KIRREL3: variants seen among roughly 807,000 people sequenced by gnomAD.
KIRREL3 encodes the protein kirre like nephrin family adhesion molecule 3, also known as kin of IRRE-like protein 3.
A neutral mutation model predicts 89.7 loss-of-function variants in KIRREL3; 36 were observed. That is an observed-to-expected ratio of 0.40 (90% confidence interval 0.31 to 0.53). The LOEUF (loss-of-function observed/expected upper bound fraction) is 0.53. KIRREL3 is among the 20% of genes least tolerant of loss of function. The pLI, the probability that KIRREL3 is intolerant of heterozygous loss-of-function variation, is 0.49. For missense variants in KIRREL3, 864 were observed against 1,056.6 expected (o/e 0.82, Z 2.53); for synonymous variants, 445 against 441.4 (o/e 1.01, Z -0.10).
In KIRREL3 at chr11:126,473,320, TG is replaced by T. The variant is rs1250851501; in HGVS notation, c.579del (p.Thr194ProfsTer123). On this transcript the variant is annotated frameshift_variant, in exon 5 of 17. Coordinates refer to ENST00000525144, the MANE Select transcript of KIRREL3 (RefSeq NM_032531.4). LOFTEE classifies it high-confidence loss of function. ...CCTCCAGGCCTCACCTTGGAGTAGG[TG>T]GCCCCATTGATGACCTCTCCCTTTC... ...WLRKGEVING[A>X]TYSKTLLRDG... The T allele has an allele frequency of 4.0e-6, 5 of 1,249,892 alleles. No individual in the cohort carries two copies. The highest frequency in any genetic ancestry group is 1.0e-6 in the Non-Finnish European group (1 of 977,472). The allele number at this position is 1,249,892 out of a possible 1,614,324, so 77.4% of individuals were successfully genotyped here.
chr11:126,726,881 T>C (rs573827595), intron 1 of KIRREL3, among the ~76,000 whole-genome samples: 5 of 152,332 alleles, frequency 3.3e-5, no homozygotes, highest in African/African-American at 1.2e-4. Context: ...AAAACTCCTA[T>C]TCATCCTCTA....
At chr11:126,450,527 G>C (rs375421141) in intron 7 of KIRREL3, among the ~76,000 whole-genome samples, 1 of 150,732 alleles carries the variant, frequency 6.6e-6, no homozygotes, top group Non-Finnish European at 1.5e-5. Flanking sequence ...GTGCATCTGC[G>C]TATGTGTGCA....
At chr11:126,449,632 A>AGT (rs1565460895) in intron 7 of KIRREL3, among the ~76,000 whole-genome samples, 2 of 152,142 alleles carry the variant, frequency 1.3e-5, no homozygotes, top group African/African-American at 4.8e-5. Context: ...CGTGTGCACG[A>AGT]GCACACACAC....
At chr11:126,487,297 G>A (rs544712702) in intron 4 of KIRREL3, among the ~76,000 whole-genome samples, 33 of 152,272 alleles carry the variant, frequency 2.2e-4, no homozygotes, top group Admixed American at 3.9e-4. Context: ...CAGGCAAAGA[G>A]GCAAAGACAC....
chr11:126,582,562 C>G (rs372857389), intron 1 of KIRREL3, among the ~76,000 whole-genome samples: 127 of 152,282 alleles, frequency 8.3e-4, no homozygotes, highest in African/African-American at 3.0e-3. Context: ...AATTCCACGG[C>G]AGGGACAGCT....
intron 1 of KIRREL3, among the ~76,000 whole-genome samples, chr11:126,988,815 A>G (rs187107430): frequency 2.0e-5 from 3 of 152,324 alleles, no homozygotes; most frequent in East Asian, 3.9e-4. Context: ...CCTCAGTACC[A>G]TCTCCCCGTG....
chr11:126,863,486 AGTGCGTGTGTGAGTGTG>A (rs1464565744), intron 1 of KIRREL3, among the ~76,000 whole-genome samples: 3 of 30,954 alleles, frequency 9.7e-5, no homozygotes, highest in African/African-American at 3.0e-4. Flanking sequence ...TGCGTGTGTG[AGTGCGTGTGTGAGTGTG>A]AGTGCGTGTG....
chr11:126,960,121 G>GT (rs1394349090), intron 1 of KIRREL3, among the ~76,000 whole-genome samples: 1 of 152,110 alleles, frequency 6.6e-6, no homozygotes, highest in Non-Finnish European at 1.5e-5. Flanking sequence ...GGGGTATAGG[G>GT]AAGGAGGCAG....
intron 1 of KIRREL3, among the ~76,000 whole-genome samples, chr11:126,691,823 A>G (rs1043881823): frequency 2.6e-4 from 39 of 152,250 alleles, no homozygotes; most frequent in African/African-American, 8.9e-4. Flanking sequence ...GCAATAAAAA[A>G]TCAAATAACC....
At chr11:126,479,609 G>A (rs375183496) in intron 4 of KIRREL3, among the ~76,000 whole-genome samples, 7 of 152,174 alleles carry the variant, frequency 4.6e-5, no homozygotes, top group South Asian at 2.1e-4. Flanking sequence ...TAAGGGTTCC[G>A]AGGTAGAAAT....
chr11:126,780,954 T>C lies in KIRREL3; in HGVS notation c.56-218042A>G, dbSNP rs552091566. ...GTTTCAATCTATCATAGATGCTAAA[T>C]AAAAGTTTGTATTTTCTCCCTGGAT... On this transcript the variant is annotated intron_variant, in intron 1 of 16. Coordinates refer to ENST00000525144, the MANE Select transcript of KIRREL3 (RefSeq NM_032531.4). The surrounding 1 kb of genome is among the most constrained non-coding windows in gnomAD (Gnocchi z 5.3). 2.0e-5 allele frequency among the ~76,000 whole-genome samples: 3 copies of C among 152,304 alleles called. No individual in the cohort carries two copies. In the South Asian group the frequency reaches 6.2e-4, roughly 32 times the overall value.
In KIRREL3 at chr11:126,860,170, A is replaced by G. The variant is rs562202199; in HGVS notation, c.55+140285T>C. The stretch of plus-strand genomic sequence containing the variant: ...TGGAATTAATTTCAATACAACAAAC[A>G]GGTAACGAGCATTTGTGATGTGCCC... On this transcript the variant is annotated intron_variant, in intron 1 of 16. Transcript: ENST00000525144. The surrounding 1 kb of genome is among the most constrained non-coding windows in gnomAD (Gnocchi z 4.6). 6.6e-6 allele frequency among the ~76,000 whole-genome samples: 1 copy of G among 152,358 alleles called. No homozygotes were observed. The highest frequency in any genetic ancestry group is 1.9e-4 in the East Asian group (1 of 5,180).
rs1946719248 is a variant in KIRREL3, at chr11:126,909,386, C to T, written c.55+91069G>A. 6.6e-6 allele frequency among the ~76,000 whole-genome samples: 1 copy of T among 152,208 alleles called. No individual in the cohort carries two copies. Among genetic ancestry groups the T allele is most frequent in the Non-Finnish European group, 1.5e-5 (1 of 68,030 alleles). On this transcript the variant is annotated intron_variant, in intron 1 of 16. Transcript: ENST00000525144. The surrounding 1 kb of genome is among the most constrained non-coding windows in gnomAD (Gnocchi z 4.5). ...CAAGGACGCATTGCACTCATCCTTG[C>T]ATATCTGTAGCTCCACCTCAGGCAC... is the stretch of plus-strand genomic sequence containing the variant.
Position 126,594,862 on chromosome 11 carries a change from C to A in KIRREL3, c.56-31950G>T, listed in dbSNP as rs756887090. On this transcript the variant is annotated intron_variant, in intron 1 of 16. Coordinates refer to ENST00000525144, the MANE Select transcript of KIRREL3 (RefSeq NM_032531.4). The surrounding 1 kb of genome is among the most constrained non-coding windows in gnomAD (Gnocchi z 5.0). The stretch of plus-strand genomic sequence containing the variant: ...GCTCGATCTTTTCTGTTAGCATTTC[C>A]GCCACGTGCTTCTCAGCGTTTTGCC... Among the ~76,000 whole-genome samples the A allele has an allele frequency of 1.3e-5, 2 of 152,238 alleles. No homozygotes were observed. The highest frequency in any genetic ancestry group is 2.9e-5 in the Non-Finnish European group (2 of 68,050).
rs1375757614 is a variant in KIRREL3, at chr11:126,877,550, A to AT, written c.55+122904dup. Among the ~76,000 whole-genome samples, 4 of 152,246 alleles carry AT rather than the reference A, an allele frequency of 2.6e-5. No homozygotes were observed. Among genetic ancestry groups the AT allele is most frequent in the African/African-American group, 9.6e-5 (4 of 41,464 alleles). ...CACAAGGTCTACCTCCAAAAATGAAATTCATTATATTTAGAGCTAAAATAA... is the reference window on the plus strand; with the variant it reads ...CACAAGGTCTACCTCCAAAAATGAAATTTCATTATATTTAGAGCTAAAATAA... On this transcript the variant is annotated intron_variant, in intron 1 of 16. Coordinates refer to ENST00000525144, the MANE Select transcript of KIRREL3 (RefSeq NM_032531.4). The surrounding 1 kb of genome is among the most constrained non-coding windows in gnomAD (Gnocchi z 4.9).
rs1944098709 is a variant in KIRREL3, at chr11:126,845,203, T to C, written c.55+155252A>G. Among the ~76,000 whole-genome samples, 4 of 152,196 alleles carry C rather than the reference T, an allele frequency of 2.6e-5. No individual in the cohort carries two copies. In the South Asian group the frequency reaches 8.3e-4, roughly 32 times the overall value. ...TCTGGAAAAATGGAAAAAGATAACT[T>C]TCTCTTATGTTGCAGCTTGGCACCC... On this transcript the variant is annotated intron_variant, in intron 1 of 16. Coordinates refer to ENST00000525144, the MANE Select transcript of KIRREL3 (RefSeq NM_032531.4).
chr11:126,450,624 T>A (rs1157894891), intron 7 of KIRREL3, among the ~76,000 whole-genome samples: 1 of 149,580 alleles, frequency 6.7e-6, no homozygotes, highest in East Asian at 2.0e-4. Context: ...TGTGCGAGCA[T>A]GTGCATGTGG....
chr11:126,691,025 G>A (rs147228580), intron 1 of KIRREL3, among the ~76,000 whole-genome samples: 119 of 152,238 alleles, frequency 7.8e-4, no homozygotes, highest in African/African-American at 2.1e-3. Context: ...AACACATATG[G>A]TCAATAAACA....
In KIRREL3 at chr11:126,837,871, C is replaced by T. The variant is rs1056901409; in HGVS notation, c.55+162584G>A. Among the ~76,000 whole-genome samples, 5 of 152,218 alleles carry T rather than the reference C, an allele frequency of 3.3e-5. No individual in the cohort carries two copies. The highest frequency in any genetic ancestry group is 2.1e-4 in the South Asian group (1 of 4,836). On this transcript the variant is annotated intron_variant, in intron 1 of 16. Transcript: ENST00000525144. The surrounding 1 kb of genome is among the most constrained non-coding windows in gnomAD (Gnocchi z 4.7). ...TCCAGGCATACATCCTATCTCTCTA[C>T]ACTCCTAAAGCCCCAAAGAACTGCC...
Sources: allele counts gnomAD v4.1 joint callset (sites outside exome capture counted in the v4.1 genomes callset), GRCh38; gene constraint gnomAD v4.1.1; non-coding constraint Gnocchi (gnomAD v3.1); transcripts MANE v1.5; gene names NCBI Gene and HGNC (gene_info 2026-07-23, HGNC 2026-07-21).